The following CMTM4 variants were observed in gnomAD, a reference collection of about 807,000 sequenced individuals.
CMTM4 encodes the protein CKLF-like MARVEL transmembrane domain-containing protein 4.
CMTM4 carries 8 observed loss-of-function variants against 19.0 expected under a neutral mutation model. The observed-to-expected ratio is 0.42, with a 90% CI of 0.25 to 0.76. CMTM4 has a LOEUF of 0.76. Ranked by LOEUF, CMTM4 falls within the 30% of genes least tolerant of loss-of-function variation. The probability of loss-of-function intolerance (pLI) is 0.27; values close to 1 mark genes in which losing one functional copy is unlikely to be tolerated. For synonymous variants in CMTM4, 106 were observed against 121.1 expected (o/e 0.88, Z 0.82); for missense variants, 228 against 290.2 (o/e 0.79, Z 1.56).
At position 66,617,219 on chromosome 16, in the gene CMTM4, C is replaced by A; in HGVS notation, c.*4839G>T. Reference sequence around the variant, plus strand: ...CTCAGCATAAAAAAACAAACATAGACAACAAACTTACCCTATGAAATAGAT... The same window carrying A: ...CTCAGCATAAAAAAACAAACATAGAAAACAAACTTACCCTATGAAATAGAT... On this transcript the variant is annotated 3_prime_UTR_variant, in exon 4 of 4. Transcript: ENST00000394106. 3.9e-6 allele frequency: 6 copies of A among 1,547,286 alleles called. 1 individual carries two copies. Among genetic ancestry groups the A allele is most frequent in the Non-Finnish European group, 5.3e-6 (6 of 1,130,312 alleles).
At chr16:66,644,444 G>A (rs1350111616) in intron 1 of CMTM4, among the ~76,000 whole-genome samples, 1 of 152,178 alleles carries the variant, frequency 6.6e-6, no homozygotes, top group Non-Finnish European at 1.5e-5. Context: ...TGCAGTGGAG[G>A]CCAAAACAAA....
intron 1 of CMTM4, among the ~76,000 whole-genome samples, chr16:66,680,590 C>T (rs1023426649): frequency 6.0e-5 from 9 of 151,044 alleles, no homozygotes; most frequent in African/African-American, 7.3e-5. Flanking sequence ...ATGGCTAACG[C>T]GGTGAAACCC....
chr16:66,600,125 T>C, the CMTM4 span, among the ~76,000 whole-genome samples: 144 of 145,734 alleles, frequency 9.9e-4, 1 homozygote, highest in Admixed American at 3.1e-3. Flanking sequence ...TGTGTGTGTG[T>C]GTGTGTGTGT....
At chr16:66,645,634 T>C (rs1007006260) in intron 1 of CMTM4, among the ~76,000 whole-genome samples, 1 of 151,652 alleles carries the variant, frequency 6.6e-6, no homozygotes, top group African/African-American at 2.4e-5. Context: ...TCTAGGACTA[T>C]GTACCCTATG....
chr16:66,631,980 C>T (rs2015881640), intron 2 of CMTM4, among the ~76,000 whole-genome samples: 1 of 152,138 alleles, frequency 6.6e-6, no homozygotes, highest in African/African-American at 2.4e-5. Flanking sequence ...CGAGTCACGC[C>T]CTAGGGCTCA....
intron 2 of CMTM4, among the ~76,000 whole-genome samples, chr16:66,635,587 G>C (rs893841885): frequency 1.3e-5 from 2 of 152,260 alleles, no homozygotes; most frequent in Admixed American, 1.3e-4. Flanking sequence ...AAGGGTAGCT[G>C]GTCTGAGGCG....
chr16:66,608,880 C>G, the CMTM4 span, among the ~76,000 whole-genome samples: 1 of 152,226 alleles, frequency 6.6e-6, no homozygotes, highest in Admixed American at 6.5e-5. The surrounding 1 kb of genome is among the most constrained non-coding windows in gnomAD (Gnocchi z 5.1). Context: ...TGTGAGGGCC[C>G]AGACCCCAGT....
intron 1 of CMTM4, among the ~76,000 whole-genome samples, chr16:66,654,540 G>A (rs1331894299): frequency 1.3e-5 from 2 of 152,084 alleles, no homozygotes; most frequent in Admixed American, 6.6e-5. Context: ...CCCACAAACT[G>A]GGCACCTCTA....
chr16:66,623,121 G>C (rs965504042), intron 3 of CMTM4, among the ~76,000 whole-genome samples: 2 of 152,346 alleles, frequency 1.3e-5, no homozygotes, highest in Non-Finnish European at 1.5e-5. Flanking sequence ...TCTTGAACTT[G>C]AGAGCACATC....
chr16:66,612,392 CA>C (rs147051106), downstream of CMTM4, among the ~76,000 whole-genome samples: 20 of 147,788 alleles, frequency 1.4e-4, no homozygotes, highest in East Asian at 5.9e-4. This position sits in a 1 kb window ranked among gnomAD's most constrained non-coding sequence, Gnocchi z 6.0. Flanking sequence ...AAAACAACAA[CA>C]AAAAAAAAAG....
chr16:66,617,217 GACA>G lies in CMTM4; in HGVS notation c.*4838_*4840del. ...GCCTCAGCATAAAAAAACAAACATA[GACA>G]ACAAACTTACCCTATGAAATAGATA... On this transcript the variant is annotated 3_prime_UTR_variant, in exon 4 of 4. Coordinates refer to ENST00000394106, the MANE Select transcript of CMTM4 (RefSeq NM_181521.3). 6.5e-7 allele frequency: 1 copy of G among 1,533,412 alleles called. No individual in the cohort carries two copies. Among genetic ancestry groups the G allele is most frequent in the Non-Finnish European group, 8.9e-7 (1 of 1,119,014 alleles). 95.0% of individuals were successfully genotyped at this position (1,533,412 alleles called of 1,614,324 possible). A position where few individuals can be genotyped will look rare whatever the true frequency, so the allele number is the denominator to read the frequency against.
chr16:66,658,300 T>G (rs796630194), intron 1 of CMTM4, among the ~76,000 whole-genome samples: 11 of 151,938 alleles, frequency 7.2e-5, no homozygotes, highest in African/African-American at 2.7e-4. Context: ...GAGGAAACCA[T>G]TATTTTGAAA....
chr16:66,679,598 C>T (rs2016870248), intron 1 of CMTM4, among the ~76,000 whole-genome samples: 1 of 151,786 alleles, frequency 6.6e-6, no homozygotes, highest in African/African-American at 2.4e-5. Flanking sequence ...CCGAGGTGGG[C>T]AGATCACTAG....
At chr16:66,626,663 G>A (rs961820658) in intron 2 of CMTM4, among the ~76,000 whole-genome samples, 7 of 151,924 alleles carry the variant, frequency 4.6e-5, no homozygotes, top group African/African-American at 1.2e-4. Context: ...CCAGCTACTC[G>A]GGAGGCTGAG....
At chr16:66,676,338 C>G (rs1188096847) in intron 1 of CMTM4, among the ~76,000 whole-genome samples, 2 of 152,198 alleles carry the variant, frequency 1.3e-5, no homozygotes, top group African/African-American at 2.4e-5. Flanking sequence ...CTGTCTCTCC[C>G]CATAACCATA....
chr16:66,637,030 A>T (rs1015120747), intron 1 of CMTM4, among the ~76,000 whole-genome samples: 1 of 152,224 alleles, frequency 6.6e-6, no homozygotes, highest in Middle Eastern at 3.2e-3. Flanking sequence ...GACTTGTGCC[A>T]TCTGCAGTTA....
chr16:66,655,127 G>A (rs1400441006), intron 1 of CMTM4, among the ~76,000 whole-genome samples: 1 of 151,990 alleles, frequency 6.6e-6, no homozygotes, highest in Non-Finnish European at 1.5e-5. Flanking sequence ...GGTACCACAG[G>A]CACACACCAC....
intron 1 of CMTM4, among the ~76,000 whole-genome samples, chr16:66,669,450 AT>A (rs2016661793): frequency 6.6e-6 from 1 of 151,558 alleles, no homozygotes; most frequent in Non-Finnish European, 1.5e-5. Flanking sequence ...AAAAAAGTCA[AT>A]TTACTACATG....
intron 2 of CMTM4, among the ~76,000 whole-genome samples, chr16:66,634,455 A>G (rs1390915162): frequency 6.6e-6 from 1 of 152,072 alleles, no homozygotes; most frequent in East Asian, 1.9e-4. Flanking sequence ...AACAAAAAAA[A>G]AAACCCAAAA....
Sources: gnomAD v4.1 joint callset for allele counts (sites outside exome capture counted in the v4.1 genomes callset) on GRCh38, gnomAD v4.1.1 for gene constraint, Gnocchi (gnomAD v3.1) non-coding constraint, MANE v1.5 for transcripts, NCBI Gene and HGNC (gene_info 2026-07-23, HGNC 2026-07-21) for gene names.